LRRTM4: variants seen among roughly 807,000 people sequenced by gnomAD.
LRRTM4 encodes leucine rich repeat transmembrane neuronal 4, also known as leucine-rich repeat transmembrane neuronal protein 4.
Under a neutral mutation model 47.6 loss-of-function variants are expected in LRRTM4, and 25 were observed. The observed-to-expected ratio is 0.53, with a 90% CI of 0.38 to 0.73. The LOEUF (loss-of-function observed/expected upper bound fraction) is 0.73. LRRTM4 is among the 30% of genes least tolerant of loss of function. The pLI is 0.00. For missense variants in LRRTM4, 638 were observed against 713.4 expected (o/e 0.89, Z 1.20); for synonymous variants, 311 against 269.5 (o/e 1.15, Z -1.51).
intron 3 of LRRTM4, among the ~76,000 whole-genome samples, chr2:76,939,242 T>G (rs1010590629): frequency 2.0e-5 from 3 of 152,202 alleles, no homozygotes; most frequent in African/African-American, 7.2e-5. Flanking sequence ...ACAACAGAAT[T>G]TGTTTCTTGC....
intron 3 of LRRTM4, among the ~76,000 whole-genome samples, chr2:77,092,615 T>C (rs1328430685): frequency 2.1e-5 from 3 of 146,076 alleles, no homozygotes; most frequent in East Asian, 2.0e-4. Flanking sequence ...TTACTCAACA[T>C]GCCCCGAGTC....
intron 3 of LRRTM4, among the ~76,000 whole-genome samples, chr2:77,119,107 G>A (rs1363858714): frequency 6.6e-6 from 1 of 151,768 alleles, no homozygotes; most frequent in African/African-American, 2.4e-5. Flanking sequence ...AAAATGTTAT[G>A]AAGAATCCAC....
chr2:77,174,517 T>C (rs1673138268), intron 3 of LRRTM4, among the ~76,000 whole-genome samples: 1 of 152,056 alleles, frequency 6.6e-6, no homozygotes, highest in Non-Finnish European at 1.5e-5. Flanking sequence ...TAACCGGTAG[T>C]TGTTACATAG....
At chr2:77,312,456 T>C (rs1271536968) in intron 3 of LRRTM4, among the ~76,000 whole-genome samples, 2 of 152,214 alleles carry the variant, frequency 1.3e-5, no homozygotes, top group African/African-American at 2.4e-5. Flanking sequence ...TTCAATGATT[T>C]ACTTTGAACT....
intron 3 of LRRTM4, among the ~76,000 whole-genome samples, chr2:76,816,445 C>G (rs1312627697): frequency 6.6e-6 from 1 of 152,026 alleles, no homozygotes; most frequent in Non-Finnish European, 1.5e-5. Context: ...AAATAATAGT[C>G]ATGAAAGCTA....
chr2:76,815,352 C>A (rs77127105), intron 3 of LRRTM4, among the ~76,000 whole-genome samples: 10,693 of 152,092 alleles, frequency 0.07, 434 homozygotes, highest in Middle Eastern at 0.14. Context: ...TGGCTCCAAG[C>A]CTGCCAGAAG....
At chr2:76,806,873 C>T (rs770199799) in intron 3 of LRRTM4, among the ~76,000 whole-genome samples, 118 of 151,776 alleles carry the variant, frequency 7.8e-4, no homozygotes, top group Non-Finnish European at 1.2e-3. Flanking sequence ...TAGAAAAATG[C>T]ACAAAGAACC....
rs184196670 is a variant in LRRTM4 at position 76,843,448 on chromosome 2, C to T, written c.1552-94532G>A. ...CAAGTATTTCAGGTGGCTTTTCAAG[C>T]TCATTTAACAGAGGAGCAAAAGGTC... On this transcript the variant is annotated intron_variant, in intron 3 of 3. Transcript: ENST00000409884. 6.3e-4 allele frequency among the ~76,000 whole-genome samples: 96 copies of T among 152,204 alleles called. 3 individuals carry two copies. The highest frequency in any genetic ancestry group is 6.0e-3 in the Admixed American group (92 of 15,288).
intron 3 of LRRTM4, among the ~76,000 whole-genome samples, chr2:77,005,464 G>A (rs1023337690): frequency 6.6e-6 from 1 of 152,044 alleles, no homozygotes; most frequent in Non-Finnish European, 1.5e-5. Context: ...AATATGTGAG[G>A]ACATGAAATT....
At chr2:77,177,136 C>T (rs555668371) in intron 3 of LRRTM4, among the ~76,000 whole-genome samples, 3 of 152,264 alleles carry the variant, frequency 2.0e-5, no homozygotes, top group African/African-American at 4.8e-5. Flanking sequence ...GGCTGCTCTA[C>T]CTATGGAGTA....
intron 3 of LRRTM4, among the ~76,000 whole-genome samples, chr2:77,233,986 G>A (rs937977752): frequency 3.3e-5 from 5 of 152,054 alleles, no homozygotes; most frequent in Non-Finnish European, 4.4e-5. Flanking sequence ...TTGTAGAGAC[G>A]GGATATCACC....
At chr2:76,984,222 T>G (rs1168109645) in intron 3 of LRRTM4, among the ~76,000 whole-genome samples, 1 of 152,070 alleles carries the variant, frequency 6.6e-6, no homozygotes. Context: ...CACAGCTTTA[T>G]GATGTATTGT....
At chr2:77,293,902 A>C (rs1488882158) in intron 3 of LRRTM4, among the ~76,000 whole-genome samples, 1 of 152,150 alleles carries the variant, frequency 6.6e-6, no homozygotes, top group East Asian at 1.9e-4. Flanking sequence ...AAGGGACCAA[A>C]CACTTTTATT....
chr2:77,321,833 A>T (rs1677802235), intron 3 of LRRTM4, among the ~76,000 whole-genome samples: 1 of 152,238 alleles, frequency 6.6e-6, no homozygotes, highest in East Asian at 1.9e-4. Context: ...GAGCTTTAAA[A>T]GACTGTTAAT....
intron 3 of LRRTM4, among the ~76,000 whole-genome samples, chr2:76,778,972 G>A (rs970011092): frequency 1.3e-4 from 19 of 148,420 alleles, no homozygotes; most frequent in Admixed American, 6.7e-4. Context: ...CTTTGTTTTC[G>A]TTGGTTTCAA....
At chr2:76,901,020 C>T (rs1216286570) in intron 3 of LRRTM4, among the ~76,000 whole-genome samples, 1 of 151,964 alleles carries the variant, frequency 6.6e-6, no homozygotes, top group African/African-American at 2.4e-5. Context: ...AGCAGAAGTC[C>T]AATGAGAAAA....
chr2:77,418,446 G>A (rs905618869), intron 3 of LRRTM4, among the ~76,000 whole-genome samples: 5 of 152,072 alleles, frequency 3.3e-5, no homozygotes, highest in Admixed American at 1.3e-4. Flanking sequence ...CTCCATCCCC[G>A]AGCATATGCC....
At chr2:77,332,926 G>A (rs575004465) in intron 3 of LRRTM4, among the ~76,000 whole-genome samples, 53 of 152,214 alleles carry the variant, frequency 3.5e-4, no homozygotes, top group Non-Finnish European at 7.2e-4. Context: ...CAATTCCCAC[G>A]TGTCATGGGA....
chr2:76,753,580 T>C (rs560385138), intron 3 of LRRTM4, among the ~76,000 whole-genome samples: 3 of 152,226 alleles, frequency 2.0e-5, no homozygotes, highest in South Asian at 2.1e-4. Context: ...AAGTGACACA[T>C]TTTTTTCAAT....
Sources: gnomAD v4.1 joint callset for allele counts (sites outside exome capture counted in the v4.1 genomes callset) on GRCh38, gnomAD v4.1.1 for gene constraint, MANE v1.5 for transcripts, NCBI Gene and HGNC (gene_info 2026-07-23, HGNC 2026-07-21) for gene names.